GLB1: variants seen among roughly 807,000 people sequenced by gnomAD.
GLB1 encodes galactosidase beta 1.
A neutral mutation model predicts 74.0 loss-of-function variants in GLB1; 56 were observed. That is an observed-to-expected ratio of 0.76 (90% CI 0.61 to 0.94). The LOEUF is 0.94. Ranked by LOEUF, GLB1 falls within the 40% of genes least tolerant of loss-of-function variation. The pLI, the probability that GLB1 is intolerant of heterozygous loss-of-function variation, is 0.00. For missense variants in GLB1, 787 were observed against 845.5 expected (o/e 0.93, Z 0.86); for synonymous variants, 323 against 323.6 (o/e 1.00, Z 0.02).
chr3:33,063,026 G>A (rs1699511124), intron 5 of GLB1, among the ~76,000 whole-genome samples: 1 of 152,234 alleles, frequency 6.6e-6, no homozygotes, highest in South Asian at 2.1e-4. Context: ...GGAGGCGACA[G>A]TGACGGTTCT....
chr3:33,042,658 C>T (rs139668803), intron 10 of GLB1, among the ~76,000 whole-genome samples: 3,005 of 152,258 alleles, frequency 0.02, 33 homozygotes, highest in East Asian at 0.056. Flanking sequence ...TGAGCCACCG[C>T]GCACAGCCTC....
At chr3:32,994,828 G>T (rs1477001868), downstream of GLB1, among the ~76,000 whole-genome samples, 1 of 151,598 alleles carries the variant, frequency 6.6e-6, no homozygotes, top group Non-Finnish European at 1.5e-5. Flanking sequence ...GGCTGAGGCA[G>T]GAGAATCGCT....
At position 33,093,834 on chromosome 3, in the gene GLB1, C is replaced by T. The variant is rs1700881987; in HGVS notation, c.75+3177G>A. The T allele has an allele frequency of 6.2e-7, 1 of 1,613,534 alleles. No homozygotes were observed. The highest frequency in any genetic ancestry group is 1.3e-5 in the African/African-American group (1 of 75,028). On this transcript the variant is annotated intron_variant, in intron 1 of 15. Transcript: ENST00000307363. This position sits in a 1 kb window ranked among gnomAD's most constrained non-coding sequence, Gnocchi z 6.0. The stretch of plus-strand genomic sequence containing the variant: ...GAGCATGATGATGTAAGCACCCAGG[C>T]AGGAGTAGGCCGCCAAGGAAAAGAG...
At chr3:33,062,756 C>T (rs927333848) in intron 5 of GLB1, among the ~76,000 whole-genome samples, 6 of 151,598 alleles carry the variant, frequency 4.0e-5, no homozygotes, top group South Asian at 2.1e-4. Flanking sequence ...TCACTGCACT[C>T]AGCCTGGTGA....
Position 33,016,724 on chromosome 3 carries a change from A to G in GLB1, c.1464T>C (p.Tyr488=). The change falls in exon 14 of 16, where the codon TAT becomes TAC. Residue 488 remains tyrosine (Y), a synonymous_variant. Transcript: ENST00000307363. ...TTTGTCCTACCTTAAAATCGTTGAT[A>G]TATGCACCATAGTTCACACGTCCCA... ...ENMGRVNYGA[Y]INDFKGLVSN... 6.2e-7 allele frequency: 1 copy of G among 1,613,974 alleles called. No individual in the cohort carries two copies. Among genetic ancestry groups the G allele is most frequent in the Middle Eastern group, 1.7e-4 (1 of 6,060 alleles).
At chr3:33,091,247 TG>T in intron 1 of GLB1, 1 of 985,500 alleles carries the variant, frequency 1.0e-6, no homozygotes, top group Non-Finnish European at 1.2e-6. Context: ...CTGCATGGTA[TG>T]GCCCACTGTC....
Position 33,096,331 on chromosome 3 carries a change from C to T in GLB1, c.75+680G>A, listed in dbSNP as rs542628905. 8.3e-5 allele frequency: 79 copies of T among 949,380 alleles called. No individual in the cohort carries two copies. The African/African-American group carries it at 1.3e-3, about 16-fold the overall frequency. 58.8% of individuals were successfully genotyped at this position (949,380 alleles called of 1,614,324 possible). A position where few individuals can be genotyped will look rare whatever the true frequency, so the allele number is the denominator to read the frequency against. On this transcript the variant is annotated intron_variant, in intron 1 of 15. Transcript: ENST00000307363. ...TCTCCCACCAACTGTGCACGCCCCGCACCTCACCTATTCGCCTCGCCAGCC... is the reference window on the plus strand; with the variant it reads ...TCTCCCACCAACTGTGCACGCCCCGTACCTCACCTATTCGCCTCGCCAGCC...
the GLB1 span, among the ~76,000 whole-genome samples, chr3:32,967,654 G>A: frequency 9.2e-5 from 14 of 151,844 alleles, no homozygotes; most frequent in East Asian, 2.1e-3. Flanking sequence ...GAACCCCATC[G>A]GTCTCTCTGA....
At chr3:33,087,799 C>T (rs1700582797) in intron 1 of GLB1, among the ~76,000 whole-genome samples, 1 of 152,096 alleles carries the variant, frequency 6.6e-6, no homozygotes, top group African/African-American at 2.4e-5. Flanking sequence ...CAGACAAATA[C>T]ACTACAAGAA....
At chr3:33,049,955 T>TC (rs1698907630) in intron 9 of GLB1, among the ~76,000 whole-genome samples, 1 of 152,166 alleles carries the variant, frequency 6.6e-6, no homozygotes, top group Non-Finnish European at 1.5e-5. Context: ...AGGAGAAACT[T>TC]CATTAAGAGC....
the GLB1 span, among the ~76,000 whole-genome samples, chr3:32,968,555 A>G: frequency 6.6e-6 from 1 of 152,096 alleles, no homozygotes; most frequent in Non-Finnish European, 1.5e-5. Flanking sequence ...TGCACTTCCT[A>G]CTCCAACCAC....
intron 5 of GLB1, among the ~76,000 whole-genome samples, chr3:33,062,774 AG>A (rs1195714894): frequency 1.3e-5 from 2 of 152,026 alleles, no homozygotes; most frequent in East Asian, 3.9e-4. Flanking sequence ...TGACAGAGAG[AG>A]ACTCTGTCTC....
chr3:33,081,283 A>G (rs966189288), intron 1 of GLB1, among the ~76,000 whole-genome samples: 4 of 152,198 alleles, frequency 2.6e-5, no homozygotes, highest in African/African-American at 9.7e-5. Flanking sequence ...TTGAGGGGGA[A>G]AATCCCAGGC....
At chr3:33,010,964 C>T (rs535591890) in intron 15 of GLB1, among the ~76,000 whole-genome samples, 2 of 152,242 alleles carry the variant, frequency 1.3e-5, no homozygotes, top group South Asian at 2.1e-4. Flanking sequence ...TCGAGAGATT[C>T]TCCCACCTCA....
rs756657119 is a variant in GLB1, at chr3:33,096,102, A to G, written c.75+909T>C. ...TTACAAGTCAACGGTGTCAAATGCT[A>G]CCAGCTCTTACTTAAAGCATACTGC... On this transcript the variant is annotated intron_variant, in intron 1 of 15. Coordinates refer to ENST00000307363, the MANE Select transcript of GLB1 (RefSeq NM_000404.4). Among the ~76,000 whole-genome samples, 48 of 152,308 alleles carry G rather than the reference A, an allele frequency of 3.2e-4. 1 individual carries two copies. Among genetic ancestry groups the G allele is most frequent in the Middle Eastern group, 3.4e-3 (1 of 294 alleles).
rs183853728 is a variant in GLB1 at position 33,091,097 on chromosome 3, C to A, written c.75+5914G>T. ...CACCATCTAGCCCACCTGGTGAAATCCAAAGCGAGAACTTAAAGGGAGTAA... is the reference window on the plus strand; with the variant it reads ...CACCATCTAGCCCACCTGGTGAAATACAAAGCGAGAACTTAAAGGGAGTAA... On this transcript the variant is annotated intron_variant, in intron 1 of 15. Coordinates refer to ENST00000307363, the MANE Select transcript of GLB1 (RefSeq NM_000404.4). 1.7e-5 allele frequency: 17 copies of A among 985,320 alleles called. No individual in the cohort carries two copies. In the East Asian group the frequency reaches 1.9e-3, roughly 112 times the overall value. 61.0% of individuals were successfully genotyped at this position (985,320 alleles called of 1,614,324 possible).
At chr3:32,987,023 G>T in the GLB1 span, among the ~76,000 whole-genome samples, 1 of 152,164 alleles carries the variant, frequency 6.6e-6, no homozygotes, top group African/African-American at 2.4e-5. Context: ...ATGGACTGGT[G>T]TACCCAGTCC....
chr3:33,007,135 T>A (rs1024536334), intron 15 of GLB1, among the ~76,000 whole-genome samples: 3 of 152,212 alleles, frequency 2.0e-5, no homozygotes, highest in Non-Finnish European at 4.4e-5. Context: ...GGTTCTGTGT[T>A]AGGTAGGATG....
intron 5 of GLB1, among the ~76,000 whole-genome samples, chr3:33,059,359 G>A (rs938945433): frequency 1.3e-5 from 2 of 151,200 alleles, no homozygotes; most frequent in African/African-American, 4.9e-5. Context: ...AAGGCAATTA[G>A]AAAAAAAGTT....
Sources: allele counts gnomAD v4.1 joint callset (sites outside exome capture counted in the v4.1 genomes callset), GRCh38; gene constraint gnomAD v4.1.1; non-coding constraint Gnocchi (gnomAD v3.1); transcripts MANE v1.5; gene names NCBI Gene and HGNC (gene_info 2026-07-23, HGNC 2026-07-21).